Variants in EP400 observed in about 807,000 individuals in gnomAD.
EP400 encodes the protein E1A-binding protein p400.
Under a neutral mutation model 354.1 loss-of-function variants are expected in EP400, and 105 were observed. The observed-to-expected ratio is 0.30, with a 90% CI of 0.25 to 0.35. The LOEUF (loss-of-function observed/expected upper bound fraction) is 0.35. Ranked by LOEUF, EP400 falls within the 10% of genes least tolerant of loss-of-function variation. EP400 has a pLI of 1.00. For synonymous variants in EP400, 1,646 were observed against 1,716.9 expected (o/e 0.96, Z 1.02); for missense variants, 3,280 against 4,121.0 (o/e 0.80, Z 5.59).
Position 131,961,450 on chromosome 12 carries a change from T to G in EP400, c.831T>G (p.Val277=). The G allele has an allele frequency of 6.5e-7, 1 of 1,532,256 alleles. No individual in the cohort carries two copies. 94.9% of individuals were successfully genotyped at this position (1,532,256 alleles called of 1,614,324 possible). ...QISSIIQGQL[V]QQQQVLQGPP... is the part of the protein sequence containing the mutation. ...GCAGCATCATCCAGGGCCAGCTGGT[T>G]CAGCAGCAGCAGGTGCTGCAGGGGC... The change falls in exon 2 of 53, where the codon GTT becomes GTG. Residue 277 remains valine (V), a synonymous_variant. Coordinates refer to ENST00000389561, the MANE Select transcript of EP400 (RefSeq NM_015409.5).
In EP400 at chr12:132,050,458, C is replaced by T; in HGVS notation, c.7336C>T (p.Leu2446=). The change falls in exon 40 of 53, where the codon CTG becomes TTG. Residue 2446 remains leucine, a splice_region_variant and synonymous_variant. Transcript: ENST00000389561. This position sits in a 1 kb window ranked among gnomAD's most constrained non-coding sequence, Gnocchi z 4.8. ...CAAGAGGAGTCCCCCAATCAAACCT[C>T]TGTATGTTTCCTGAGTGCTCATTTT... ...AGKRSPPIKP[L]LGMNPFQKNP... is the part of the protein sequence containing the mutation. 1 of 1,614,170 alleles carries T rather than the reference C, an allele frequency of 6.2e-7. No individual in the cohort carries two copies. The highest frequency in any genetic ancestry group is 1.3e-5 in the African/African-American group (1 of 75,046).
chr12:132,076,296 A>T, intron 51 of EP400: 3 of 636,252 alleles, frequency 4.7e-6, no homozygotes, highest in Non-Finnish European at 5.8e-6. Flanking sequence ...AGCTTAAATG[A>T]TGAGTGATGG....
chr12:132,024,378 AATAGAT>A (rs1351476184), intron 24 of EP400, among the ~76,000 whole-genome samples: 1 of 152,176 alleles, frequency 6.6e-6, no homozygotes, highest in Non-Finnish European at 1.5e-5. Context: ...ATCTCTAAGT[AATAGAT>A]AAGTAACAGA....
At chr12:131,967,135 T>C (rs148060144) in intron 2 of EP400, among the ~76,000 whole-genome samples, 1,911 of 151,526 alleles carry the variant, frequency 0.013, 40 homozygotes, top group African/African-American at 0.044. Flanking sequence ...ATTCCAGCAC[T>C]TTGGGAGGCC....
chr12:131,995,180 CGT>C (rs1443743566), intron 12 of EP400, among the ~76,000 whole-genome samples: 1 of 152,186 alleles, frequency 6.6e-6, no homozygotes, highest in Non-Finnish European at 1.5e-5. Context: ...CTGCCACCTG[CGT>C]GTGTCTCCCT....
chr12:132,055,332 T>G, intron 45 of EP400, 124 bp downstream of exon 45: 1 of 827,870 alleles, frequency 1.2e-6, no homozygotes, highest in African/African-American at 1.7e-5. Flanking sequence ...AGTTTGAATT[T>G]CATAAAATAA....
intron 45 of EP400, among the ~76,000 whole-genome samples, chr12:132,060,838 T>C (rs1420680243): frequency 6.8e-6 from 1 of 148,016 alleles, no homozygotes; most frequent in African/African-American, 2.5e-5. Context: ...TGCTTGAACC[T>C]GGGAGGCAGA....
intron 10 of EP400, 101 bp downstream of exon 10, chr12:131,991,557 C>CTATTACTT (rs1197228499): frequency 1.1e-4 from 105 of 933,464 alleles, no homozygotes; most frequent in Non-Finnish European, 2.2e-5. Context: ...TAGGCTGTGA[C>CTATTACTT]TATTACTTCC....
intron 1 of EP400, among the ~76,000 whole-genome samples, chr12:131,959,205 A>G (rs11609687): frequency 2.0e-5 from 3 of 152,080 alleles, no homozygotes; most frequent in Non-Finnish European, 2.9e-5. Context: ...TTATGACAGA[A>G]GTTAGCTATT....
chr12:132,066,170 C>T (rs956094180), intron 48 of EP400: 5 of 152,254 alleles, frequency 3.3e-5, no homozygotes, highest in African/African-American at 4.8e-5. Context: ...CACACTTTCA[C>T]GGTGAGCCAC....
chr12:132,025,101 C>G lies in EP400; in HGVS notation c.4856-545C>G, dbSNP rs1244146030. On this transcript the variant is annotated intron_variant, in intron 24 of 52. Transcript: ENST00000389561. This position sits in a 1 kb window ranked among gnomAD's most constrained non-coding sequence, Gnocchi z 4.1. ...AAAACAAAACAAAACATTTTTTGGC[C>G]CACAGAGGCTGGGTCGCTTGGTAAC... 6.6e-6 allele frequency among the ~76,000 whole-genome samples: 1 copy of G among 151,806 alleles called. No individual in the cohort carries two copies. Among genetic ancestry groups the G allele is most frequent in the Non-Finnish European group, 1.5e-5 (1 of 67,952 alleles).
chr12:132,078,450 A>G lies in EP400; in HGVS notation c.*777A>G, dbSNP rs911703328. ...TGATGCCCAACTCAGTGCACTCAAGACGCATCTCCAGTTTTCGGGGGAAGC... is the reference window on the plus strand; with the variant it reads ...TGATGCCCAACTCAGTGCACTCAAGGCGCATCTCCAGTTTTCGGGGGAAGC... On this transcript the variant is annotated 3_prime_UTR_variant, in exon 53 of 53. Coordinates refer to ENST00000389561, the MANE Select transcript of EP400 (RefSeq NM_015409.5). 3 of 152,254 alleles carry G rather than the reference A, an allele frequency of 2.0e-5. No individual in the cohort carries two copies. Among genetic ancestry groups the G allele is most frequent in the Admixed American group, 1.3e-4 (2 of 15,282 alleles). The allele number at this position is 152,254 out of a possible 1,614,324, so 9.4% of individuals were successfully genotyped here. A position where few individuals can be genotyped will look rare whatever the true frequency, so the allele number is the denominator to read the frequency against.
chr12:132,021,630 G>T (rs1894126342), intron 23 of EP400, among the ~76,000 whole-genome samples: 1 of 152,206 alleles, frequency 6.6e-6, no homozygotes. Flanking sequence ...GTTAGCCCCG[G>T]CCTTGTTCCA....
In EP400 at chr12:132,025,715, A is replaced by G. The variant is rs1894282599; in HGVS notation, c.4925A>G (p.Gln1642Arg). 1 of 1,613,330 alleles carries G rather than the reference A, an allele frequency of 6.2e-7. No individual in the cohort carries two copies. The highest frequency in any genetic ancestry group is 1.3e-5 in the African/African-American group (1 of 74,936). The change falls in exon 25 of 53, where the codon CAG (glutamine) becomes CGG (arginine). Residue 1642 changes from glutamine to arginine, a missense_variant. By Grantham distance (43) the Gln-to-Arg change is conservative. Around this residue, in one of 20 missense-constraint regions of EP400, gnomAD observed 459 missense variants for 496.9 expected, o/e 0.92. Coordinates refer to ENST00000389561, the MANE Select transcript of EP400 (RefSeq NM_015409.5). The surrounding 1 kb of genome is among the most constrained non-coding windows in gnomAD (Gnocchi z 4.1). Reference protein sequence around the residue: ...YLRAPGPVVMQTVSQAGAVHG... With the variant: ...YLRAPGPVVMRTVSQAGAVHG... ...CGAGCCCCTGGCCCTGTGGTGATGC[A>G]GACCGTGTCTCAGGCGGGCGCTGTG...
chr12:131,974,029 C>T (rs1187546813), intron 2 of EP400, among the ~76,000 whole-genome samples: 33 of 148,144 alleles, frequency 2.2e-4, no homozygotes, highest in Middle Eastern at 3.5e-3. Flanking sequence ...TGCTCCGTTG[C>T]CAGGCTGAAC....
rs1162436060 is a variant in EP400 at position 132,013,415 on chromosome 12, A to G, written c.3612-75A>G. On this transcript the variant is annotated intron_variant, in intron 17 of 52. Transcript: ENST00000389561. The surrounding 1 kb of genome is among the most constrained non-coding windows in gnomAD (Gnocchi z 4.5). ...CAAATTACTGTCCCTTTTCTCACACATTGTCAGAGAAGATGCTGCTGCAGC... is the reference window on the plus strand; with the variant it reads ...CAAATTACTGTCCCTTTTCTCACACGTTGTCAGAGAAGATGCTGCTGCAGC... The G allele has an allele frequency of 3.3e-6, 5 of 1,494,848 alleles. No homozygotes were observed. The highest frequency in any genetic ancestry group is 2.3e-5 in the East Asian group (1 of 43,762). The allele number at this position is 1,494,848 out of a possible 1,614,324, so 92.6% of individuals were successfully genotyped here.
Position 131,987,983 on chromosome 12 carries a change from CTTTTTTTT to C in EP400, c.2409+111_2409+118del, listed in dbSNP as rs778740521. On this transcript the variant is annotated intron_variant, in intron 7 of 52. Transcript: ENST00000389561. ...AGTGGTGGGGAGGTCTCCAGACCCACTTTTTTTTTTTTTTTTTTTTTTTTTCCCCCAGA... is the reference window on the plus strand; with the variant it reads ...AGTGGTGGGGAGGTCTCCAGACCCACTTTTTTTTTTTTTTTTTCCCCCAGA... 520 of 268,652 alleles carry C rather than the reference CTTTTTTTT, an allele frequency of 1.9e-3. 4 individuals are homozygous for C. The highest frequency in any genetic ancestry group is 0.016 in the Admixed American group (219 of 13,524). 16.6% of individuals were successfully genotyped at this position (268,652 alleles called of 1,614,324 possible).
At position 131,998,721 on chromosome 12, in the gene EP400, T is replaced by C. The variant is rs1336156318; in HGVS notation, c.2827+3765T>C. Among the ~76,000 whole-genome samples the C allele has an allele frequency of 2.7e-4, 17 of 62,208 alleles. 1 individual carries two copies. The East Asian group carries it at 7.6e-3, about 28-fold the overall frequency. 40.8% of individuals were successfully genotyped at this position (62,208 alleles called of 152,430 possible). The stretch of plus-strand genomic sequence containing the variant: ...TATACAGTCTTGTATACAAAGACTT[T>C]GTATACAGTCTTGTATACAAAGACT... On this transcript the variant is annotated intron_variant, in intron 12 of 52. Coordinates refer to ENST00000389561, the MANE Select transcript of EP400 (RefSeq NM_015409.5).
intron 1 of EP400, among the ~76,000 whole-genome samples, chr12:131,959,544 C>G (rs756863083): frequency 6.6e-6 from 1 of 152,232 alleles, no homozygotes. Flanking sequence ...GCCCCTTCTG[C>G]TCCTCCCCTG....
Sources: allele counts gnomAD v4.1 joint callset (sites outside exome capture counted in the v4.1 genomes callset), GRCh38; gene constraint gnomAD v4.1.1; regional missense constraint gnomAD v4.1.1; non-coding constraint Gnocchi (gnomAD v3.1); transcripts MANE v1.5; gene names NCBI Gene and HGNC (gene_info 2026-07-23, HGNC 2026-07-21).